RGS5: variants seen among roughly 807,000 people sequenced by gnomAD.
The protein encoded by RGS5 is regulator of G-protein signalling 5.
In RGS5, 20 loss-of-function variants were observed where a neutral mutation model predicts 18.9. That is an observed-to-expected ratio of 1.06 (90% confidence interval 0.74 to 1.54). The LOEUF (loss-of-function observed/expected upper bound fraction) is 1.54. Among genes scored for constraint, RGS5 ranks in the 40% most tolerant of loss-of-function variants. The probability of loss-of-function intolerance (pLI) is 0.00; values close to 1 mark genes in which losing one functional copy is unlikely to be tolerated. For synonymous variants in RGS5, 57 were observed against 76.2 expected, an observed-to-expected ratio of 0.75 and a Z score of 1.31; for missense variants, 201 against 211.8, an observed-to-expected ratio of 0.95 and a Z score of 0.32.
chr1:163,283,646 T>C (rs779111630), intron 2 of RGS5, among the ~76,000 whole-genome samples: 1 of 152,136 alleles, frequency 6.6e-6, no homozygotes, highest in Middle Eastern at 3.2e-3. Flanking sequence ...CATAATTACA[T>C]TATTTAAGAC....
At position 163,253,450 on chromosome 1, in the gene RGS5, A is replaced by G. The variant is rs191382392; in HGVS notation, c.-281+52783T>C. On this transcript the variant is annotated intron_variant, in intron 2 of 5. Transcript: ENST00000618415. ...CAGCCTCCCATGTAGTTGGGATTAC[A>G]GGTACACGCCACCATGCCCAACTTT... 2.4e-3 allele frequency among the ~76,000 whole-genome samples: 340 copies of G among 142,834 alleles called. 2 individuals are homozygous for G. The highest frequency in any genetic ancestry group is 0.014 in the Middle Eastern group (4 of 276). The allele number at this position is 142,834 out of a possible 152,430, so 93.7% of individuals were successfully genotyped here.
intron 3 of RGS5, among the ~76,000 whole-genome samples, chr1:163,157,591 C>T (rs146079903): frequency 4.5e-4 from 68 of 152,286 alleles, no homozygotes; most frequent in African/African-American, 1.5e-3. Context: ...CTATTTAACA[C>T]ATCAACTGTG....
intron 1 of RGS5, among the ~76,000 whole-genome samples, chr1:163,186,756 C>T (rs1241849879): frequency 2.0e-5 from 3 of 151,982 alleles, no homozygotes; most frequent in African/African-American, 7.3e-5. Context: ...TAGACAAGTC[C>T]CCAAAACAAT....
At chr1:163,174,409 G>A (rs558113845) in intron 1 of RGS5, among the ~76,000 whole-genome samples, 1 of 152,322 alleles carries the variant, frequency 6.6e-6, no homozygotes, top group Admixed American at 6.5e-5. Flanking sequence ...ATTGATGAAT[G>A]AGCAAATGAA....
intron 1 of RGS5, among the ~76,000 whole-genome samples, chr1:163,185,500 C>T (rs945302733): frequency 3.6e-4 from 55 of 152,254 alleles, no homozygotes; most frequent in African/African-American, 1.3e-3. Flanking sequence ...TCTCAACCCC[C>T]CAGGCTCAAC....
intron 2 of RGS5, among the ~76,000 whole-genome samples, chr1:163,243,937 G>T (rs1161850665): frequency 1.3e-5 from 2 of 152,122 alleles, no homozygotes; most frequent in Admixed American, 6.5e-5. Context: ...CCTTCACTGT[G>T]TAACTTTGCT....
At chr1:163,284,187 T>C (rs1420631196) in intron 2 of RGS5, among the ~76,000 whole-genome samples, 2 of 152,202 alleles carry the variant, frequency 1.3e-5, no homozygotes, top group East Asian at 3.9e-4. Flanking sequence ...CTTTTGTTGT[T>C]ACATAATAAG....
At chr1:163,202,675 C>A (rs1020959289) in intron 1 of RGS5, 117 bp downstream of exon 1, 1 of 786,812 alleles carries the variant, frequency 1.3e-6, no homozygotes. Context: ...CAGTCAAGCA[C>A]CTGTTTCACC....
intron 2 of RGS5, among the ~76,000 whole-genome samples, chr1:163,239,643 A>G (rs1647732339): frequency 6.6e-6 from 1 of 152,210 alleles, no homozygotes; most frequent in Non-Finnish European, 1.5e-5. Context: ...TCACAGCAGA[A>G]TAAAAGCCAG....
At chr1:163,216,976 T>C (rs1243093560) in intron 1 of RGS5, among the ~76,000 whole-genome samples, 3 of 152,070 alleles carry the variant, frequency 2.0e-5, no homozygotes, top group Non-Finnish European at 4.4e-5. Flanking sequence ...AGCTAACTAA[T>C]GCAGAAACAG....
At chr1:163,195,897 T>C (rs1007672621) in intron 1 of RGS5, among the ~76,000 whole-genome samples, 14 of 152,110 alleles carry the variant, frequency 9.2e-5, no homozygotes. Context: ...TCTGAGAAAA[T>C]GAAGTTCAGA....
intron 1 of RGS5, among the ~76,000 whole-genome samples, chr1:163,171,967 C>A (rs1401760758): frequency 6.6e-6 from 1 of 152,136 alleles, no homozygotes; most frequent in African/African-American, 2.4e-5. Context: ...GGGGGAACTT[C>A]TCAGAGGAGG....
intron 1 of RGS5, among the ~76,000 whole-genome samples, chr1:163,309,213 G>A (rs1363870018): frequency 6.6e-6 from 1 of 152,168 alleles, no homozygotes; most frequent in Non-Finnish European, 1.5e-5. Context: ...AAAAGCGGGG[G>A]TGGTGGTTGC....
intron 2 of RGS5, among the ~76,000 whole-genome samples, chr1:163,234,720 T>C (rs1319960930): frequency 6.6e-6 from 1 of 152,210 alleles, no homozygotes; most frequent in African/African-American, 2.4e-5. Flanking sequence ...ACACAAAAAC[T>C]TAGTGGCCTA....
chr1:163,242,217 T>C (rs994845184), intron 2 of RGS5, among the ~76,000 whole-genome samples: 2 of 152,236 alleles, frequency 1.3e-5, no homozygotes, highest in African/African-American at 4.8e-5. Context: ...AAACATGGCA[T>C]ATTTTTTAAA....
At chr1:163,167,786 G>A (rs1658116518) in intron 2 of RGS5, among the ~76,000 whole-genome samples, 1 of 152,178 alleles carries the variant, frequency 6.6e-6, no homozygotes, top group South Asian at 2.1e-4. Flanking sequence ...GGCTGAAATT[G>A]TCTGCCTTGT....
chr1:163,246,078 G>A lies in RGS5; in HGVS notation c.-281+60155C>T, dbSNP rs1447206355. ...AAAAAATACAAAAAATTAGCCAGGC[G>A]TGGTGGCGGGCACCTGCAGTCCCAG... On this transcript the variant is annotated intron_variant, in intron 2 of 5. Transcript: ENST00000618415. Among the ~76,000 whole-genome samples the A allele has an allele frequency of 5.9e-5, 9 of 151,820 alleles. No homozygotes were observed. In the East Asian group the frequency reaches 9.8e-4, roughly 16 times the overall value.
upstream of RGS5, among the ~76,000 whole-genome samples, chr1:163,222,177 A>G (rs990743393): frequency 6.6e-6 from 1 of 152,134 alleles, no homozygotes; most frequent in Admixed American, 6.5e-5. Context: ...ACCTGTTAGG[A>G]ACCAGGCCAC....
At chr1:163,266,037 G>A (rs1648564927) in intron 2 of RGS5, among the ~76,000 whole-genome samples, 2 of 152,082 alleles carry the variant, frequency 1.3e-5, no homozygotes, top group Admixed American at 6.6e-5. Context: ...TGGACTCCAG[G>A]TGGAGGCTGC....
Sources: allele counts gnomAD v4.1 joint callset (sites outside exome capture counted in the v4.1 genomes callset), GRCh38; gene constraint gnomAD v4.1.1; transcripts MANE v1.5; gene names NCBI Gene and HGNC (gene_info 2026-07-23, HGNC 2026-07-21).